RBFOX2: variants seen among roughly 807,000 people sequenced by gnomAD.
RBFOX2 encodes the protein RNA binding fox-1 homolog 2.
A neutral mutation model predicts 49.1 loss-of-function variants in RBFOX2; 10 were observed. That is an observed-to-expected ratio of 0.20 (90% CI 0.13 to 0.35). The LOEUF (loss-of-function observed/expected upper bound fraction) is 0.35, where lower values mean the gene tolerates loss of function less well. Among genes scored for constraint, RBFOX2 ranks in the 10% least tolerant of loss-of-function variants. RBFOX2 has a pLI of 1.00. For missense variants in RBFOX2, 323 were observed against 486.9 expected (o/e 0.66, Z 3.17); for synonymous variants, 183 against 187.4 (o/e 0.98, Z 0.19).
chr22:35,822,047 C>A (rs1250666994), intron 1 of RBFOX2: 2 of 485,118 alleles, frequency 4.1e-6, no homozygotes, highest in Non-Finnish European at 8.2e-6. Flanking sequence ...GAGGGCCAGC[C>A]TTTCTGCCTT....
At chr22:35,970,841 G>A (rs2056831727) in intron 1 of RBFOX2, among the ~76,000 whole-genome samples, 1 of 152,166 alleles carries the variant, frequency 6.6e-6, no homozygotes. Flanking sequence ...TACAACAGCT[G>A]AGTGGATTAG....
At chr22:35,906,648 C>G (rs541684818) in intron 1 of RBFOX2, among the ~76,000 whole-genome samples, 27 of 152,150 alleles carry the variant, frequency 1.8e-4, no homozygotes, top group Non-Finnish European at 4.0e-4. Context: ...AACCCCATCT[C>G]TACTAAAAAT....
Position 35,809,931 on chromosome 22 carries a change from G to A in RBFOX2, c.101C>T (p.Pro34Leu), listed in dbSNP as rs140838970. The A allele has an allele frequency of 4.3e-5, 69 of 1,613,978 alleles. No homozygotes were observed. The highest frequency in any genetic ancestry group is 5.0e-5 in the Admixed American group (3 of 59,982). Residue 34 changes from proline to leucine, a missense_variant, in exon 2 of 12, where the codon CCG (proline) becomes CTG (leucine). By Grantham distance (98) the Pro-to-Leu change is moderately conservative. This residue lies in a region of RBFOX2 where 123 missense variants were observed against 116.9 expected (regional missense o/e 1.05). Transcript: ENST00000405409. ...ATACTCTGTGGGAATTCCATTCTGC[G>A]GAGGTGGTGGAAATGGGATGGTAGT...
intron 1 of RBFOX2, among the ~76,000 whole-genome samples, chr22:35,953,210 CAAAAAAA>C (rs34387129): frequency 7.6e-4 from 17 of 22,416 alleles, no homozygotes; most frequent in Non-Finnish European, 1.2e-3. Context: ...GACTCCATCT[CAAAAAAA>C]AAAAAAAAAA....
intron 1 of RBFOX2, among the ~76,000 whole-genome samples, chr22:36,015,802 C>G (rs988986072): frequency 1.3e-5 from 2 of 151,982 alleles, no homozygotes; most frequent in African/African-American, 4.8e-5. Flanking sequence ...GCCTTTTACC[C>G]GAAATTATTA....
intron 9 of RBFOX2, among the ~76,000 whole-genome samples, chr22:35,750,195 A>G (rs1225218193): frequency 2.0e-5 from 3 of 152,224 alleles, no homozygotes; most frequent in Non-Finnish European, 4.4e-5. Context: ...CATCTGTTAT[A>G]TCAGAGAAGG....
chr22:36,010,007 C>A (rs571518322), intron 1 of RBFOX2, among the ~76,000 whole-genome samples: 1 of 152,268 alleles, frequency 6.6e-6, no homozygotes. Context: ...CCCATCTCTT[C>A]TAAGGTAAAA....
chr22:36,026,520 C>T (rs879782095), intron 1 of RBFOX2, among the ~76,000 whole-genome samples: 4 of 148,692 alleles, frequency 2.7e-5, no homozygotes, highest in African/African-American at 1.0e-4. Flanking sequence ...CTAGGATTGA[C>T]AGAAATGATA....
At chr22:35,868,072 TG>T (rs980469952) in intron 1 of RBFOX2, among the ~76,000 whole-genome samples, 2 of 151,312 alleles carry the variant, frequency 1.3e-5, no homozygotes, top group African/African-American at 4.9e-5. Flanking sequence ...ATTAGCTGGG[TG>T]TGGTGGTGTG....
chr22:35,961,986 A>G (rs1239779111), upstream of RBFOX2, among the ~76,000 whole-genome samples: 2 of 152,164 alleles, frequency 1.3e-5, no homozygotes, highest in Admixed American at 6.6e-5. Flanking sequence ...TGCCTCACAT[A>G]TAAGATTGGC....
At chr22:35,881,030 T>A (rs1027326454) in intron 1 of RBFOX2, among the ~76,000 whole-genome samples, 2 of 151,818 alleles carry the variant, frequency 1.3e-5, no homozygotes, top group Non-Finnish European at 2.9e-5. Flanking sequence ...TTTGGGAGGC[T>A]GAGGTGGGCG....
At chr22:35,940,182 G>A (rs955682180), upstream of RBFOX2, among the ~76,000 whole-genome samples, 4 of 152,158 alleles carry the variant, frequency 2.6e-5, no homozygotes, top group Non-Finnish European at 5.9e-5. Context: ...CAGAGACCCT[G>A]TGTCTTGTTC....
At chr22:36,027,518 A>C (rs938261247) in intron 1 of RBFOX2, among the ~76,000 whole-genome samples, 1 of 152,186 alleles carries the variant, frequency 6.6e-6, no homozygotes, top group Non-Finnish European at 1.5e-5. Flanking sequence ...CCTATAAAAA[A>C]ATTTTTTTTA....
chr22:35,795,087 G>A (rs773215137), intron 2 of RBFOX2, among the ~76,000 whole-genome samples: 1 of 152,152 alleles, frequency 6.6e-6, no homozygotes, highest in African/African-American at 2.4e-5. Context: ...TCTCAAACCA[G>A]GTGATAGCTT....
upstream of RBFOX2, among the ~76,000 whole-genome samples, chr22:35,939,921 G>A (rs1040454073): frequency 5.9e-5 from 9 of 152,166 alleles, no homozygotes; most frequent in Admixed American, 2.6e-4. Context: ...ACGTGCACAC[G>A]AAGGAGTAAA....
intron 9 of RBFOX2, chr22:35,750,445 T>G: frequency 6.2e-7 from 1 of 1,603,674 alleles, no homozygotes; most frequent in African/African-American, 1.3e-5. Flanking sequence ...CTGAAGCAGT[T>G]TGCAGATTCT....
intron 2 of RBFOX2, among the ~76,000 whole-genome samples, chr22:35,783,127 C>T (rs530474945): frequency 6.6e-6 from 1 of 152,342 alleles, no homozygotes; most frequent in East Asian, 1.9e-4. Context: ...TCTTTGAGCA[C>T]TCTGGTGCTT....
chr22:35,750,370 A>G lies in RBFOX2; in HGVS notation c.888-3809T>C, dbSNP rs1010402701. ...TAACCATGCACTGATGCAAAACTGA[A>G]GCAACCATTAATAATAAAAATTAAA... On this transcript the variant is annotated intron_variant, in intron 9 of 11. Transcript: ENST00000405409. 2.1e-5 allele frequency: 29 copies of G among 1,378,570 alleles called. No homozygotes were observed. The African/African-American group carries it at 3.7e-4, about 18-fold the overall frequency. 85.4% of individuals were successfully genotyped at this position (1,378,570 alleles called of 1,614,324 possible). A position where few individuals can be genotyped will look rare whatever the true frequency, so the allele number is the denominator to read the frequency against.
intron 1 of RBFOX2, among the ~76,000 whole-genome samples, chr22:35,874,246 G>A (rs940415659): frequency 6.6e-6 from 1 of 152,044 alleles, no homozygotes; most frequent in Non-Finnish European, 1.5e-5. Context: ...ACGCAACAAA[G>A]GTAAGGCATG....
Sources: allele counts gnomAD v4.1 joint callset (sites outside exome capture counted in the v4.1 genomes callset), GRCh38; gene constraint gnomAD v4.1.1; regional missense constraint gnomAD v4.1.1; transcripts MANE v1.5; gene names NCBI Gene and HGNC (gene_info 2026-07-23, HGNC 2026-07-21).